The following TMEM120B variants were observed in gnomAD, a reference collection of about 807,000 sequenced individuals.
The protein encoded by TMEM120B is transmembrane protein 120B.
A neutral mutation model predicts 55.5 loss-of-function variants in TMEM120B; 31 were observed. The ratio of observed to expected loss-of-function variants is 0.56; its 90% CI spans 0.42 to 0.75. The LOEUF is 0.75. Ranked by LOEUF, TMEM120B falls within the 30% of genes least tolerant of loss-of-function variation. The probability of loss-of-function intolerance (pLI) is 0.00; values close to 1 mark genes in which losing one functional copy is unlikely to be tolerated. For missense variants in TMEM120B, 399 were observed against 425.5 expected, an observed-to-expected ratio of 0.94 and a Z score of 0.55; for synonymous variants, 203 against 176.3, an observed-to-expected ratio of 1.15 and a Z score of -1.20.
chr12:121,749,095 C>T (rs750295032), intron 3 of TMEM120B, among the ~76,000 whole-genome samples: 1 of 152,056 alleles, frequency 6.6e-6, no homozygotes, highest in African/African-American at 2.4e-5. Context: ...ATCAGCCTCG[C>T]GCTGAGTCAG....
In TMEM120B at chr12:121,781,249, CGGGTGA is replaced by C; in HGVS notation, c.*5528_*5533del. 6.6e-7 allele frequency: 1 copy of C among 1,514,264 alleles called. No homozygotes were observed. Among genetic ancestry groups the C allele is most frequent in the Non-Finnish European group, 9.1e-7 (1 of 1,094,212 alleles). 93.8% of individuals were successfully genotyped at this position (1,514,264 alleles called of 1,614,324 possible). A position where few individuals can be genotyped will look rare whatever the true frequency, so the allele number is the denominator to read the frequency against. ...CGTCCCCTCCCTGTCTGGACTCTGA[CGGGTGA>C]AGGGGAAGGGGCCAGGCAAGTGACC... On this transcript the variant is annotated 3_prime_UTR_variant, in exon 12 of 12. Coordinates refer to ENST00000449592, the MANE Select transcript of TMEM120B (RefSeq NM_001080825.2).
intron 1 of TMEM120B, among the ~76,000 whole-genome samples, chr12:121,725,995 C>A (rs561885887): frequency 4.1e-4 from 60 of 147,602 alleles, no homozygotes; most frequent in African/African-American, 1.4e-3. Flanking sequence ...AGAGATCATG[C>A]CACTGCACTC....
At chr12:121,730,807 A>C (rs991166815) in intron 1 of TMEM120B, among the ~76,000 whole-genome samples, 13 of 151,114 alleles carry the variant, frequency 8.6e-5, no homozygotes, top group Non-Finnish European at 1.0e-4. Context: ...AAAATACAAA[A>C]ATTAGCTGGG....
At chr12:121,767,197 G>A (rs574625450) in intron 6 of TMEM120B, among the ~76,000 whole-genome samples, 1 of 152,326 alleles carries the variant, frequency 6.6e-6, no homozygotes, top group Non-Finnish European at 1.5e-5. Context: ...GTCTCGCTCT[G>A]TCGCCCAGGC....
chr12:121,727,362 C>T (rs538983988), intron 1 of TMEM120B, among the ~76,000 whole-genome samples: 2 of 150,876 alleles, frequency 1.3e-5, no homozygotes, highest in East Asian at 3.9e-4. Context: ...ATAATGAGAC[C>T]CCGTCTCTGC....
chr12:121,770,983 C>G lies in TMEM120B; in HGVS notation c.617+11C>G. 2 of 1,613,186 alleles carry G rather than the reference C, an allele frequency of 1.2e-6. No homozygotes were observed. Among genetic ancestry groups the G allele is most frequent in the Non-Finnish European group, 1.7e-6 (2 of 1,179,632 alleles). On this transcript the variant is annotated intron_variant, in intron 7 of 11. Transcript: ENST00000449592. ...AGTGATGCTGACCTGGTGAGTAGCC[C>G]CTCGCTGGGCCCCTCCAGCCTCCCA...
chr12:121,770,587 G>A lies in TMEM120B; in HGVS notation c.552-320G>A, dbSNP rs185169118. Among the ~76,000 whole-genome samples, 606 of 151,918 alleles carry A rather than the reference G, an allele frequency of 4.0e-3. 11 individuals are homozygous for A. Among genetic ancestry groups the A allele is most frequent in the African/African-American group, 0.013 (555 of 41,390 alleles). On this transcript the variant is annotated intron_variant, in intron 6 of 11. Transcript: ENST00000449592. ...GACAGGAGCCGTGCCTGGAGCGCCC[G>A]CGTGCTGGGGAGAGGACCAGGTGGG... is the stretch of plus-strand genomic sequence containing the variant.
intron 1 of TMEM120B, among the ~76,000 whole-genome samples, chr12:121,737,934 C>T (rs193055191): frequency 1.3e-5 from 2 of 148,216 alleles, no homozygotes; most frequent in Admixed American, 6.9e-5. Context: ...TACTTGAACC[C>T]GGGAGGTGGA....
At position 121,776,258 on chromosome 12, in the gene TMEM120B, C is replaced by T. The variant is rs1198937965; in HGVS notation, c.*536C>T. Reference sequence around the variant, plus strand: ...ATTTTAAGTTCTCAGAGACCCACCGCGTCTGCCTCGTGCTCTTCTTGCCCC... The same window carrying T: ...ATTTTAAGTTCTCAGAGACCCACCGTGTCTGCCTCGTGCTCTTCTTGCCCC... On this transcript the variant is annotated 3_prime_UTR_variant, in exon 12 of 12. Transcript: ENST00000449592. 7.6e-5 allele frequency: 9 copies of T among 118,436 alleles called. No homozygotes were observed. The highest frequency in any genetic ancestry group is 3.3e-4 in the African/African-American group (6 of 18,294). The allele number at this position is 118,436 out of a possible 1,614,324, so 7.3% of individuals were successfully genotyped here.
intron 5 of TMEM120B, chr12:121,758,246 G>C: frequency 1.0e-6 from 1 of 985,460 alleles, no homozygotes; most frequent in Non-Finnish European, 1.2e-6. Context: ...TGGTGGGTCG[G>C]CCTCTCCACT....
At chr12:121,774,865 G>A (rs1874184359) in intron 10 of TMEM120B, 143 bp downstream of exon 10, 2 of 1,214,034 alleles carry the variant, frequency 1.6e-6, no homozygotes, top group Non-Finnish European at 2.3e-6. Context: ...TCTGGGCCCA[G>A]GGATGCCAAG....
intron 3 of TMEM120B, 63 bp from the exon 4 acceptor site, chr12:121,750,317 T>C (rs1873235460): frequency 2.0e-6 from 3 of 1,473,354 alleles, no homozygotes; most frequent in Non-Finnish European, 2.8e-6. Flanking sequence ...GTGTTGAGTT[T>C]GAATGTTGTT....
intron 6 of TMEM120B, among the ~76,000 whole-genome samples, chr12:121,765,129 CT>C (rs775861260): frequency 3.2e-3 from 422 of 133,674 alleles, no homozygotes; most frequent in East Asian, 0.029. Flanking sequence ...TCTTTTCTTT[CT>C]TTTTTTTTTT....
chr12:121,774,521 G>A (rs1272219445), intron 9 of TMEM120B, 137 bp from the exon 10 acceptor site: 3 of 751,790 alleles, frequency 4.0e-6, no homozygotes, highest in South Asian at 3.5e-5. Context: ...TATGACAGGT[G>A]AGGGCTGACC....
At position 121,779,472 on chromosome 12, in the gene TMEM120B, C is replaced by G. The variant is rs370036595; in HGVS notation, c.*3750C>G. The G allele has an allele frequency of 1.0e-5, 16 of 1,606,186 alleles. No individual in the cohort carries two copies. Among genetic ancestry groups the G allele is most frequent in the African/African-American group, 6.7e-5 (5 of 74,880 alleles). On this transcript the variant is annotated 3_prime_UTR_variant, in exon 12 of 12. Transcript: ENST00000449592. Reference sequence around the variant, plus strand: ...CCTGGGCCCCCGGGCCCTGTCAGTGCTGTCGTGAGGTCTGTCTGCCCTGGG... The same window carrying G: ...CCTGGGCCCCCGGGCCCTGTCAGTGGTGTCGTGAGGTCTGTCTGCCCTGGG...
At chr12:121,716,763 A>G (rs1321568362) in intron 1 of TMEM120B, among the ~76,000 whole-genome samples, 3 of 151,934 alleles carry the variant, frequency 2.0e-5, no homozygotes, top group Non-Finnish European at 2.9e-5. Flanking sequence ...GGGTTTCACC[A>G]TCTTGGCCAG....
chr12:121,720,025 A>G (rs1894766849), intron 1 of TMEM120B, among the ~76,000 whole-genome samples: 1 of 152,086 alleles, frequency 6.6e-6, no homozygotes, highest in Non-Finnish European at 1.5e-5. Flanking sequence ...ATGATGTCAC[A>G]TCTTTGTGAC....
intron 1 of TMEM120B, among the ~76,000 whole-genome samples, chr12:121,741,679 C>T (rs1460276714): frequency 7.9e-5 from 12 of 152,112 alleles, no homozygotes. Context: ...GAGTCTCACT[C>T]TGGAGTGCAG....
chr12:121,725,418 G>A (rs1894874057), intron 1 of TMEM120B, among the ~76,000 whole-genome samples: 2 of 152,074 alleles, frequency 1.3e-5, no homozygotes, highest in South Asian at 4.1e-4. Flanking sequence ...TAGCAGTTTG[G>A]CATCTTCTTT....
Sources: allele counts gnomAD v4.1 joint callset (sites outside exome capture counted in the v4.1 genomes callset), GRCh38; gene constraint gnomAD v4.1.1; transcripts MANE v1.5; gene names NCBI Gene and HGNC (gene_info 2026-07-23, HGNC 2026-07-21).